The following CADM1 variants were observed in gnomAD, a reference collection of about 807,000 sequenced individuals.
The protein encoded by CADM1 is TSLC-1.
A neutral mutation model predicts 53.1 loss-of-function variants in CADM1; 15 were observed. The ratio of observed to expected loss-of-function variants is 0.28; its 90% CI spans 0.19 to 0.44. CADM1 has a LOEUF of 0.44. Among genes scored for constraint, CADM1 ranks in the 20% least tolerant of loss-of-function variants. The pLI is 1.00. For synonymous variants in CADM1, 281 were observed against 243.0 expected, an observed-to-expected ratio of 1.16 and a Z score of -1.45; for missense variants, 434 against 611.3, an observed-to-expected ratio of 0.71 and a Z score of 3.06.
chr11:115,205,608 T>C (rs1940637164), intron 8 of CADM1, among the ~76,000 whole-genome samples: 1 of 152,172 alleles, frequency 6.6e-6, no homozygotes, highest in African/African-American at 2.4e-5. Flanking sequence ...ATTTAAATTA[T>C]GCAATTTATG....
In CADM1 at chr11:115,193,003, T is replaced by C. The variant is rs2134652233; in HGVS notation, c.1112-2062A>G. Among the ~76,000 whole-genome samples, 2 of 152,322 alleles carry C rather than the reference T, an allele frequency of 1.3e-5. 1 individual carries two copies. Among genetic ancestry groups the C allele is most frequent in the African/African-American group, 4.8e-5 (2 of 41,572 alleles). ...TGTGTGAACCTACAATACTCTGCCATAGTTGGACAATTTCTGAATAAATAT... is the reference window on the plus strand; with the variant it reads ...TGTGTGAACCTACAATACTCTGCCACAGTTGGACAATTTCTGAATAAATAT... On this transcript the variant is annotated intron_variant, in intron 9 of 11. Transcript: ENST00000331581.
chr11:115,189,944 G>A (rs1367409067), intron 10 of CADM1, among the ~76,000 whole-genome samples: 1 of 152,152 alleles, frequency 6.6e-6, no homozygotes, highest in Admixed American at 6.5e-5. Context: ...AAATCGAGTA[G>A]TACTATCTTA....
At chr11:115,225,675 A>G (rs1424578436) in intron 5 of CADM1, among the ~76,000 whole-genome samples, 1 of 152,212 alleles carries the variant, frequency 6.6e-6, no homozygotes, top group Non-Finnish European at 1.5e-5. Flanking sequence ...GCCATATGGT[A>G]GCACTCCATT....
intron 9 of CADM1, among the ~76,000 whole-genome samples, chr11:115,194,370 C>T (rs754146643): frequency 2.0e-5 from 3 of 152,106 alleles, no homozygotes; most frequent in Non-Finnish European, 2.9e-5. Context: ...TATTTATAAA[C>T]GAGTCAGGAA....
At chr11:115,256,797 T>C (rs533231717) in intron 1 of CADM1, 1 of 456,034 alleles carries the variant, frequency 2.2e-6, no homozygotes, top group Non-Finnish European at 4.4e-6. Flanking sequence ...CTCTAAAAAG[T>C]TTGTTCTTAT....
At chr11:115,259,162 T>C (rs1001093336) in intron 1 of CADM1, among the ~76,000 whole-genome samples, 2 of 151,562 alleles carry the variant, frequency 1.3e-5, no homozygotes, top group East Asian at 1.9e-4. Context: ...ATTTTTGTAG[T>C]TTTAGTGGAG....
At chr11:115,365,119 G>T (rs1402711927) in intron 1 of CADM1, among the ~76,000 whole-genome samples, 1 of 152,134 alleles carries the variant, frequency 6.6e-6, no homozygotes, top group African/African-American at 2.4e-5. Flanking sequence ...GGCATGGCTA[G>T]CCCCACCAGC....
chr11:115,419,975 C>A (rs1462440964), intron 1 of CADM1, among the ~76,000 whole-genome samples: 1 of 152,174 alleles, frequency 6.6e-6, no homozygotes, highest in Admixed American at 6.6e-5. Flanking sequence ...TGGTCCAGAA[C>A]CTCATGCTCT....
Position 115,178,999 on chromosome 11 carries a change from G to A in CADM1, c.1166-224C>T. The A allele has an allele frequency of 1.9e-5, 11 of 571,104 alleles. No homozygotes were observed. In the South Asian group the frequency reaches 2.0e-4, roughly 10 times the overall value. The allele number at this position is 571,104 out of a possible 1,614,324, so 35.4% of individuals were successfully genotyped here. A position where few individuals can be genotyped will look rare whatever the true frequency, so the allele number is the denominator to read the frequency against. On this transcript the variant is annotated intron_variant, in intron 10 of 11. Coordinates refer to ENST00000331581, the MANE Select transcript of CADM1 (RefSeq NM_001301043.2). ...CAATTTCATGATAAGCAGCATAGGA[G>A]GGTTAATGCATGTGGAACAAGCTTA...
At chr11:115,272,440 A>C (rs192075676) in intron 1 of CADM1, among the ~76,000 whole-genome samples, 59 of 152,276 alleles carry the variant, frequency 3.9e-4, no homozygotes, top group Admixed American at 3.9e-3. Context: ...AAGAAAAAAA[A>C]CATTAGTTTA....
intron 1 of CADM1, among the ~76,000 whole-genome samples, chr11:115,390,643 G>A (rs1483939672): frequency 6.8e-6 from 1 of 147,774 alleles, no homozygotes; most frequent in Admixed American, 6.8e-5. Context: ...GGTTCCCGGA[G>A]TCACCAGCAA....
intron 1 of CADM1, among the ~76,000 whole-genome samples, chr11:115,484,749 C>T (rs558046143): frequency 1.3e-5 from 2 of 152,096 alleles, no homozygotes; most frequent in South Asian, 4.2e-4. Context: ...AGATTGAGAC[C>T]ATCCTGGCTA....
chr11:115,410,837 C>G (rs1284371233), intron 1 of CADM1, among the ~76,000 whole-genome samples: 1 of 152,100 alleles, frequency 6.6e-6, no homozygotes, highest in Non-Finnish European at 1.5e-5. Context: ...TACACAGAAC[C>G]ATGACAAACT....
intron 1 of CADM1, among the ~76,000 whole-genome samples, chr11:115,261,172 C>T (rs1265740253): frequency 6.6e-6 from 1 of 152,072 alleles, no homozygotes; most frequent in African/African-American, 2.4e-5. Context: ...CTATATAAAA[C>T]CATCAAAGAT....
intron 10 of CADM1, among the ~76,000 whole-genome samples, chr11:115,187,148 C>T (rs1939600748): frequency 6.6e-6 from 1 of 152,200 alleles, no homozygotes; most frequent in African/African-American, 2.4e-5. Flanking sequence ...CTATACAGCT[C>T]ATCTGGTTTT....
intron 1 of CADM1, among the ~76,000 whole-genome samples, chr11:115,356,195 T>C (rs1945866057): frequency 6.7e-6 from 1 of 150,150 alleles, no homozygotes; most frequent in South Asian, 2.1e-4. Context: ...GAAATTAATA[T>C]TCTATATTTT....
At chr11:115,295,658 AT>A (rs1944058944) in intron 1 of CADM1, among the ~76,000 whole-genome samples, 1 of 150,790 alleles carries the variant, frequency 6.6e-6, no homozygotes, top group Non-Finnish European at 1.5e-5. Context: ...ACTGAAGAAA[AT>A]CCGAAGTTCC....
intron 10 of CADM1, among the ~76,000 whole-genome samples, chr11:115,187,861 C>T (rs1370043601): frequency 6.6e-6 from 1 of 152,226 alleles, no homozygotes; most frequent in Non-Finnish European, 1.5e-5. Flanking sequence ...TAGAATTGCC[C>T]TCCGAGGCCC....
chr11:115,415,390 T>A (rs954261606), intron 1 of CADM1, among the ~76,000 whole-genome samples: 7 of 152,152 alleles, frequency 4.6e-5, no homozygotes, highest in Non-Finnish European at 8.8e-5. Flanking sequence ...ACCTGTTAGA[T>A]CCTATGGCCG....
Sources: gnomAD v4.1 joint callset for allele counts (sites outside exome capture counted in the v4.1 genomes callset) on GRCh38, gnomAD v4.1.1 for gene constraint, MANE v1.5 for transcripts, NCBI Gene and HGNC (gene_info 2026-07-23, HGNC 2026-07-21) for gene names.